Variants in ARHGAP32 observed in about 807,000 individuals in gnomAD.
ARHGAP32 encodes the protein rho GTPase-activating protein 32.
In ARHGAP32, 51 loss-of-function variants were observed where a neutral mutation model predicts 186.5. The observed-to-expected ratio is 0.27, with a 90% CI of 0.22 to 0.35. The LOEUF is 0.35. Among genes scored for constraint, ARHGAP32 ranks in the 10% least tolerant of loss-of-function variants. The probability of loss-of-function intolerance (pLI) is 1.00; values close to 1 mark genes in which losing one functional copy is unlikely to be tolerated. For synonymous variants in ARHGAP32, 950 were observed against 964.3 expected (o/e 0.99, Z 0.27); for missense variants, 2,186 against 2,623.5 (o/e 0.83, Z 3.64).
Position 128,970,649 on chromosome 11 carries a change from G to A in ARHGAP32, c.4564C>T (p.Pro1522Ser), listed in dbSNP as rs1383723694. 3 of 1,614,022 alleles carry A rather than the reference G, an allele frequency of 1.9e-6. No homozygotes were observed. In the African/African-American group the frequency reaches 4.0e-5, roughly 22 times the overall value. Residue 1522 changes from proline to serine, a missense_variant, in exon 23 of 23, where the codon CCT becomes TCT. By Grantham distance (74) the Pro-to-Ser change is moderately conservative (BLOSUM62 -1). This residue lies in a region of ARHGAP32 where 1,502 missense variants were observed against 1,570.0 expected (regional missense o/e 0.96). Transcript: ENST00000682385. The surrounding 1 kb of genome is among the most constrained non-coding windows in gnomAD (Gnocchi z 5.8). ...PNCQYRPQSV[P>S]PHHNKLEQHQ... ...TGCTCCAATTTATTGTGATGGGGAG[G>A]TACACTCTGGGGACGGTACTGGCAG...
At chr11:129,198,314 A>T (rs1028359183) in intron 1 of ARHGAP32, among the ~76,000 whole-genome samples, 2 of 152,208 alleles carry the variant, frequency 1.3e-5, no homozygotes, top group Admixed American at 1.3e-4. Flanking sequence ...ACAAGCTCAG[A>T]CTCAAATATC....
chr11:129,194,948 T>G (rs895603340), upstream of ARHGAP32, among the ~76,000 whole-genome samples: 16 of 118,784 alleles, frequency 1.3e-4, no homozygotes, highest in South Asian at 6.7e-4. Flanking sequence ...TGTTTTTTTG[T>G]GGGGGGGGGG....
At chr11:129,006,709 G>T (rs564331996) in intron 11 of ARHGAP32, among the ~76,000 whole-genome samples, 2 of 152,258 alleles carry the variant, frequency 1.3e-5, no homozygotes, top group Non-Finnish European at 2.9e-5. Context: ...CTTGCCCAAA[G>T]CCCACTGTAA....
At chr11:129,217,578 T>G (rs1944662683) in intron 1 of ARHGAP32, among the ~76,000 whole-genome samples, 1 of 152,188 alleles carries the variant, frequency 6.6e-6, no homozygotes, top group South Asian at 2.1e-4. Flanking sequence ...ACTCTGTAAT[T>G]TATATATCAT....
intron 10 of ARHGAP32, 82 bp downstream of exon 10, chr11:129,062,198 C>T: frequency 1.7e-6 from 2 of 1,154,256 alleles, no homozygotes; most frequent in Admixed American, 3.5e-5. Context: ...AGTCCATTAC[C>T]AGCACATGTA....
At chr11:129,127,921 C>T (rs779469941) in intron 2 of ARHGAP32, among the ~76,000 whole-genome samples, 4 of 152,150 alleles carry the variant, frequency 2.6e-5, no homozygotes, top group South Asian at 2.1e-4. Context: ...CATAAAAGCA[C>T]GCACCATTTA....
intron 1 of ARHGAP32, among the ~76,000 whole-genome samples, chr11:129,273,112 A>C (rs1454133149): frequency 6.6e-6 from 1 of 152,214 alleles, no homozygotes; most frequent in African/African-American, 2.4e-5. Flanking sequence ...CCAATAGTAC[A>C]TCACAAGTCC....
intron 1 of ARHGAP32, among the ~76,000 whole-genome samples, chr11:129,218,728 A>T (rs530345405): frequency 3.4e-5 from 5 of 148,238 alleles, no homozygotes; most frequent in Admixed American, 6.8e-5. Flanking sequence ...CCCAGTGCTG[A>T]ATGTAAAAAA....
At chr11:129,274,271 T>C (rs1419983382) in intron 1 of ARHGAP32, among the ~76,000 whole-genome samples, 3 of 152,242 alleles carry the variant, frequency 2.0e-5, no homozygotes, top group African/African-American at 7.2e-5. Flanking sequence ...TCTCTCCAGA[T>C]AGGAAACGTC....
intron 1 of ARHGAP32, among the ~76,000 whole-genome samples, chr11:129,238,058 A>C (rs1591711915): frequency 6.6e-6 from 1 of 152,266 alleles, no homozygotes; most frequent in Non-Finnish European, 1.5e-5. Flanking sequence ...TCAAGTCACC[A>C]CAGTGCCAGC....
chr11:129,211,871 T>C (rs1422231129), intron 1 of ARHGAP32, among the ~76,000 whole-genome samples: 1 of 152,144 alleles, frequency 6.6e-6, no homozygotes, highest in Non-Finnish European at 1.5e-5. Flanking sequence ...AGTACTAAAA[T>C]TGGCCAGGTG....
intron 1 of ARHGAP32, among the ~76,000 whole-genome samples, chr11:129,271,410 C>T (rs1282750432): frequency 1.3e-5 from 2 of 152,044 alleles, no homozygotes; most frequent in Non-Finnish European, 2.9e-5. Context: ...CTGGCCTGCG[C>T]AAGTGGTGGA....
upstream of ARHGAP32, among the ~76,000 whole-genome samples, chr11:129,193,759 CATAT>C (rs1445938574): frequency 3.3e-5 from 3 of 91,724 alleles, no homozygotes; most frequent in African/African-American, 1.3e-4. Context: ...ACATATAATA[CATAT>C]ATAAATTTTA....
At chr11:129,125,042 A>C in intron 2 of ARHGAP32, 148 bp from the exon 3 acceptor site, 2 of 535,664 alleles carry the variant, frequency 3.7e-6, no homozygotes, top group Admixed American at 3.6e-5. Flanking sequence ...ACTGAGTTTT[A>C]ATTATTAAGA....
chr11:129,093,553 T>C, intron 6 of ARHGAP32, 68 bp downstream of exon 6: 2 of 1,099,570 alleles, frequency 1.8e-6, no homozygotes, highest in South Asian at 2.8e-5. Context: ...GTTATAGAAA[T>C]AAATTTAATC....
intron 1 of ARHGAP32, among the ~76,000 whole-genome samples, chr11:129,185,859 T>C (rs1944149786): frequency 6.6e-6 from 1 of 152,030 alleles, no homozygotes; most frequent in Non-Finnish European, 1.5e-5. Flanking sequence ...AAAGAAATCA[T>C]TTTATTTTCA....
intron 2 of ARHGAP32, among the ~76,000 whole-genome samples, chr11:129,140,861 C>T (rs938391016): frequency 5.9e-5 from 9 of 152,244 alleles, no homozygotes; most frequent in African/African-American, 2.2e-4. Context: ...CAAGACAACA[C>T]TCTTTCCCCC....
intron 2 of ARHGAP32, among the ~76,000 whole-genome samples, chr11:129,161,446 A>C (rs1283653915): frequency 6.6e-6 from 1 of 151,616 alleles, no homozygotes; most frequent in Non-Finnish European, 1.5e-5. Context: ...CAAGGAACTT[A>C]AACAAATTTA....
chr11:129,201,563 G>A (rs897090745), intron 1 of ARHGAP32, among the ~76,000 whole-genome samples: 16 of 152,032 alleles, frequency 1.1e-4, no homozygotes, highest in African/African-American at 3.9e-4. Flanking sequence ...TATATCTACG[G>A]ATAAATCAAA....
Sources: allele counts gnomAD v4.1 joint callset (sites outside exome capture counted in the v4.1 genomes callset), GRCh38; gene constraint gnomAD v4.1.1; regional missense constraint gnomAD v4.1.1; non-coding constraint Gnocchi (gnomAD v3.1); transcripts MANE v1.5; gene names NCBI Gene and HGNC (gene_info 2026-07-23, HGNC 2026-07-21).